The following EML1 variants were observed in gnomAD, a reference collection of about 807,000 sequenced individuals.
The protein encoded by EML1 is EMAP like 1.
A neutral mutation model predicts 110.4 loss-of-function variants in EML1; 27 were observed. That is an observed-to-expected ratio of 0.24 (90% confidence interval 0.18 to 0.34). The LOEUF is 0.34. Ranked by LOEUF, EML1 falls within the 10% of genes least tolerant of loss-of-function variation. The pLI is 1.00. For missense variants in EML1, 741 were observed against 1,030.9 expected (o/e 0.72, Z 3.85); for synonymous variants, 344 against 385.8 (o/e 0.89, Z 1.27).
At chr14:99,824,865 G>A (rs993367765) in intron 1 of EML1, among the ~76,000 whole-genome samples, 5 of 152,132 alleles carry the variant, frequency 3.3e-5, no homozygotes, top group African/African-American at 9.7e-5. Flanking sequence ...GAGTAAGGAC[G>A]TGCAGTATAG....
At chr14:99,884,430 A>T (rs930277686) in intron 4 of EML1, among the ~76,000 whole-genome samples, 4 of 152,212 alleles carry the variant, frequency 2.6e-5, no homozygotes, top group Non-Finnish European at 5.9e-5. Context: ...CATGGCAGGG[A>T]GTGGGAAGGA....
At chr14:99,910,885 A>C (rs1311371538) in intron 12 of EML1, among the ~76,000 whole-genome samples, 1 of 152,188 alleles carries the variant, frequency 6.6e-6, no homozygotes, top group African/African-American at 2.4e-5. Context: ...TGACAAGAAA[A>C]AAGGGAAAAT....
At chr14:99,826,355 C>T (rs1055565471) in intron 1 of EML1, among the ~76,000 whole-genome samples, 3 of 152,078 alleles carry the variant, frequency 2.0e-5, no homozygotes, top group Non-Finnish European at 4.4e-5. Flanking sequence ...TCATGTGATC[C>T]GCCTCCCTCA....
At chr14:99,874,822 T>C in intron 3 of EML1, 1 of 936,096 alleles carries the variant, frequency 1.1e-6, no homozygotes, top group Non-Finnish European at 1.6e-6. Flanking sequence ...TCTTTCGATT[T>C]TGATGTGTGC....
chr14:99,827,928 A>G lies in EML1; in HGVS notation c.68-22925A>G, dbSNP rs1288116786. 2.1e-4 allele frequency among the ~76,000 whole-genome samples: 32 copies of G among 152,150 alleles called. 1 individual carries two copies. The highest frequency in any genetic ancestry group is 2.1e-3 in the Admixed American group (32 of 15,266). On this transcript the variant is annotated intron_variant, in intron 1 of 21. Transcript: ENST00000262233. This position sits in a 1 kb window ranked among gnomAD's most constrained non-coding sequence, Gnocchi z 4.4. ...GCAGTAGATGCGATGGTTGGTGTAT[A>G]ATATGAACACTGTCTCTGCAGGATT...
chr14:99,840,866 C>G, intron 1 of EML1, among the ~76,000 whole-genome samples: 1 of 152,190 alleles, frequency 6.6e-6, no homozygotes, highest in Non-Finnish European at 1.5e-5. Context: ...CCCTTTTGTT[C>G]TGTTTTTTAC....
intron 2 of EML1, 70 bp downstream of exon 2, chr14:99,851,105 C>T: frequency 1.3e-6 from 2 of 1,490,814 alleles, no homozygotes; most frequent in Middle Eastern, 2.4e-4. Context: ...CTAGCAAACA[C>T]ATTGTGCTCT....
Position 99,745,214 on chromosome 14 carries a change from C to T in EML1, c.28+7354C>T, listed in dbSNP as rs372276564. Reference sequence around the variant, plus strand: ...CCAAGTAGCTGGGACTACATGCATGCGCCACCACACCTGGCTAATTTTTGT... The same window carrying T: ...CCAAGTAGCTGGGACTACATGCATGTGCCACCACACCTGGCTAATTTTTGT... On this transcript the variant is annotated intron_variant, in intron 1 of 10. Transcript: ENST00000554479. 9.2e-5 allele frequency among the ~76,000 whole-genome samples: 14 copies of T among 152,188 alleles called. No homozygotes were observed. In the East Asian group the frequency reaches 2.3e-3, roughly 25 times the overall value.
chr14:99,863,393 TCA>T (rs2059036603), intron 2 of EML1, among the ~76,000 whole-genome samples: 1 of 152,206 alleles, frequency 6.6e-6, no homozygotes, highest in African/African-American at 2.4e-5. Context: ...ACTTCAAGGT[TCA>T]CTCTTGGTGC....
chr14:99,882,785 T>C (rs1459149457), intron 4 of EML1, among the ~76,000 whole-genome samples: 1 of 151,390 alleles, frequency 6.6e-6, no homozygotes, highest in Non-Finnish European at 1.5e-5. Flanking sequence ...GTTGGACAAG[T>C]TTGATATAAA....
chr14:99,934,544 C>G (rs1230498234), intron 17 of EML1, among the ~76,000 whole-genome samples: 1 of 152,260 alleles, frequency 6.6e-6, no homozygotes, highest in African/African-American at 2.4e-5. Flanking sequence ...TTACCTGATG[C>G]TTTACGCGCC....
chr14:99,902,774 G>A (rs191404298), intron 9 of EML1, among the ~76,000 whole-genome samples: 197 of 152,150 alleles, frequency 1.3e-3, no homozygotes, highest in Admixed American at 5.4e-3. Context: ...CTCCTCTTGG[G>A]GGGTCCCAAG....
chr14:99,917,697 G>T, intron 15 of EML1, 85 bp from the exon 16 acceptor site: 1 of 682,920 alleles, frequency 1.5e-6, no homozygotes, highest in East Asian at 2.9e-5. Context: ...GTGAGCGTTT[G>T]TGTGTGCACG....
At chr14:99,773,712 G>A (rs938798283) in exon 1 of EML1, 2 of 152,288 alleles carry the variant, frequency 1.3e-5, no homozygotes, top group African/African-American at 4.8e-5. Flanking sequence ...GCAGAAAGCA[G>A]GAGCCTGGAT....
intron 1 of EML1, among the ~76,000 whole-genome samples, chr14:99,743,024 G>T (rs2057062213): frequency 6.6e-6 from 1 of 152,154 alleles, no homozygotes; most frequent in African/African-American, 2.4e-5. Context: ...ACCGGGTGGG[G>T]ACATGCAGGA....
At chr14:99,927,978 G>A (rs867695746) in intron 17 of EML1, among the ~76,000 whole-genome samples, 11 of 890 alleles carry the variant, frequency 0.012, 1 homozygote, top group Non-Finnish European at 0.023. Flanking sequence ...GGTGATGGTG[G>A]TGGTGGTGGT....
intron 3 of EML1, among the ~76,000 whole-genome samples, chr14:99,866,570 CAAAAA>C (rs57796662): frequency 5.0e-5 from 4 of 80,110 alleles, no homozygotes; most frequent in African/African-American, 1.1e-4. Context: ...AACTCCATCT[CAAAAA>C]AAAAAAAAAA....
intron 1 of EML1, among the ~76,000 whole-genome samples, chr14:99,767,924 T>C (rs113690687): frequency 0.034 from 5,123 of 152,222 alleles, 288 homozygotes; most frequent in African/African-American, 0.11. Context: ...CCCCCCACAC[T>C]ACTTTGCTGA....
intron 1 of EML1, among the ~76,000 whole-genome samples, chr14:99,743,559 G>T (rs970703092): frequency 1.3e-5 from 2 of 152,138 alleles, no homozygotes; most frequent in Non-Finnish European, 2.9e-5. Flanking sequence ...GCACCCACCC[G>T]CTTATCTGTT....
Sources: allele counts gnomAD v4.1 joint callset (sites outside exome capture counted in the v4.1 genomes callset), GRCh38; gene constraint gnomAD v4.1.1; non-coding constraint Gnocchi (gnomAD v3.1); transcripts MANE v1.5; gene names NCBI Gene and HGNC (gene_info 2026-07-23, HGNC 2026-07-21).